Variants in KCNN3 observed in about 807,000 individuals in gnomAD.
KCNN3 encodes the protein potassium calcium-activated channel subfamily N member 3, also known as small conductance calcium-activated potassium channel protein 3.
In KCNN3, 16 loss-of-function variants were observed where a neutral mutation model predicts 62.9. The observed-to-expected ratio is 0.25, with a 90% CI of 0.17 to 0.39. The LOEUF is 0.39. Ranked by LOEUF, KCNN3 falls within the 10% of genes least tolerant of loss-of-function variation. The probability of loss-of-function intolerance (pLI) is 1.00; values close to 1 mark genes in which losing one functional copy is unlikely to be tolerated. For synonymous variants in KCNN3, 370 were observed against 389.2 expected (o/e 0.95, Z 0.58); for missense variants, 599 against 949.4 (o/e 0.63, Z 4.85).
Position 154,822,189 on chromosome 1 carries a change from AG to A in KCNN3, c.934-6del. 1.3e-6 allele frequency: 2 copies of A among 1,599,192 alleles called. No individual in the cohort carries two copies. The highest frequency in any genetic ancestry group is 1.7e-6 in the Non-Finnish European group (2 of 1,166,310). On this transcript the variant is annotated splice_region_variant and splice_polypyrimidine_tract_variant and intron_variant, in intron 1 of 7. Coordinates refer to ENST00000271915, the MANE Select transcript of KCNN3 (RefSeq NM_002249.6). ...GGCCAACGAAAACATGGAGTCCTGC[AG>A]GAACAATGGAGAGAGAGAATTAGGG...
At chr1:154,741,922 C>G (rs1345311045) in intron 3 of KCNN3, among the ~76,000 whole-genome samples, 1 of 152,242 alleles carries the variant, frequency 6.6e-6, no homozygotes, top group Non-Finnish European at 1.5e-5. Flanking sequence ...GAGCTGTGAA[C>G]CCTGTGCTTG....
chr1:154,851,682 G>A (rs755600677), intron 1 of KCNN3, among the ~76,000 whole-genome samples: 19 of 152,256 alleles, frequency 1.2e-4, no homozygotes, highest in Non-Finnish European at 2.5e-4. Flanking sequence ...CAAGGGTCCA[G>A]CCACTTTTTA....
chr1:154,807,660 A>G (rs1166351582), intron 2 of KCNN3, among the ~76,000 whole-genome samples: 1 of 152,206 alleles, frequency 6.6e-6, no homozygotes, highest in African/African-American at 2.4e-5. Flanking sequence ...TTTGTGAACA[A>G]TAAGGGAAGA....
chr1:154,759,104 G>C (rs752023306), intron 3 of KCNN3, among the ~76,000 whole-genome samples: 1 of 152,046 alleles, frequency 6.6e-6, no homozygotes, highest in African/African-American at 2.4e-5. Context: ...CACCATGCCC[G>C]GCCAAAAAAA....
At position 154,809,555 on chromosome 1, in the gene KCNN3, G is replaced by C. The variant is rs569892634; in HGVS notation, c.1029+12534C>G. Among the ~76,000 whole-genome samples the C allele has an allele frequency of 6.6e-6, 1 of 152,312 alleles. No homozygotes were observed. The highest frequency in any genetic ancestry group is 1.5e-5 in the Non-Finnish European group (1 of 68,028). On this transcript the variant is annotated intron_variant, in intron 2 of 7. Transcript: ENST00000271915. This position sits in a 1 kb window ranked among gnomAD's most constrained non-coding sequence, Gnocchi z 4.3. ...ACCTCCCAGATTTGACTTCTGGTTCGACATTTGTATCAATGGTTTAGATGA... is the reference window on the plus strand; with the variant it reads ...ACCTCCCAGATTTGACTTCTGGTTCCACATTTGTATCAATGGTTTAGATGA...
In KCNN3 at chr1:154,713,648, C is replaced by T. The variant is rs937049712; in HGVS notation, c.1830-115G>A. 8.3e-5 allele frequency: 68 copies of T among 821,470 alleles called. No individual in the cohort carries two copies. The Admixed American group carries it at 1.2e-3, about 14-fold the overall frequency. The allele number at this position is 821,470 out of a possible 1,614,324, so 50.9% of individuals were successfully genotyped here. ...TGATTTTGGAACCCAGCATGGGGAC[C>T]GTGAACCTGGGGAACAACTGAGGCT... is the stretch of plus-strand genomic sequence containing the variant. On this transcript the variant is annotated intron_variant, in intron 6 of 7. Transcript: ENST00000271915.
At chr1:154,831,544 G>A (rs1395515187) in intron 1 of KCNN3, among the ~76,000 whole-genome samples, 1 of 152,212 alleles carries the variant, frequency 6.6e-6, no homozygotes, top group Non-Finnish European at 1.5e-5. Context: ...AAAGAAGCCA[G>A]GAGGCTGGGG....
chr1:154,744,569 G>A (rs958860651), intron 3 of KCNN3, among the ~76,000 whole-genome samples: 5 of 152,298 alleles, frequency 3.3e-5, no homozygotes, highest in Admixed American at 2.6e-4. Flanking sequence ...ACTGGCATTC[G>A]AAGCTATTAG....
Position 154,869,068 on chromosome 1 carries a change from C to G in KCNN3, c.897G>C (p.Val299=). The change falls in exon 1 of 8, where the codon GTG becomes GTC. Residue 299 remains valine (V), a synonymous_variant. Coordinates refer to ENST00000271915, the MANE Select transcript of KCNN3 (RefSeq NM_002249.6). The surrounding 1 kb of genome is among the most constrained non-coding windows in gnomAD (Gnocchi z 6.1). ...IFGMFGIVVM[V]IETELSWGLY... is the part of the protein sequence containing the mutation. ...AACCCCAAGAGAGCTCGGTCTCTATCACCATAACAACAATTCCAAACATCC... is the reference window on the plus strand; with the variant it reads ...AACCCCAAGAGAGCTCGGTCTCTATGACCATAACAACAATTCCAAACATCC... 6.2e-7 allele frequency: 1 copy of G among 1,614,192 alleles called. No individual in the cohort carries two copies. Among genetic ancestry groups the G allele is most frequent in the East Asian group, 2.2e-5 (1 of 44,888 alleles).
rs189971968 is a variant in KCNN3, at chr1:154,783,581, A to C, written c.1030-11188T>G. On this transcript the variant is annotated intron_variant, in intron 2 of 7. Transcript: ENST00000271915. Reference sequence around the variant, plus strand: ...ACCCCAGCATGTTTGCTAATGAAGAAGATTCCTCTGGACAGGCTTGGGGTG... The same window carrying C: ...ACCCCAGCATGTTTGCTAATGAAGACGATTCCTCTGGACAGGCTTGGGGTG... 2.7e-3 allele frequency among the ~76,000 whole-genome samples: 406 copies of C among 152,362 alleles called. 2 individuals are homozygous for C. The highest frequency in any genetic ancestry group is 0.025 in the South Asian group (119 of 4,826).
At chr1:154,750,290 G>C (rs1158853844) in intron 3 of KCNN3, among the ~76,000 whole-genome samples, 2 of 152,248 alleles carry the variant, frequency 1.3e-5, no homozygotes, top group African/African-American at 4.8e-5. Flanking sequence ...TCCAGGCCTG[G>C]TGCTCAGGCC....
intron 2 of KCNN3, among the ~76,000 whole-genome samples, chr1:154,805,448 C>A (rs1650132020): frequency 6.6e-6 from 1 of 152,164 alleles, no homozygotes; most frequent in Admixed American, 6.5e-5. Flanking sequence ...GCTCCCAGGG[C>A]AATTACAAAC....
chr1:154,728,967 C>A (rs1029791337), intron 4 of KCNN3, among the ~76,000 whole-genome samples: 1 of 152,158 alleles, frequency 6.6e-6, no homozygotes, highest in Non-Finnish European at 1.5e-5. Context: ...ATTGCCTGTC[C>A]CCTGGGTCCC....
intron 1 of KCNN3, among the ~76,000 whole-genome samples, chr1:154,857,527 G>T (rs1652587775): frequency 6.6e-6 from 1 of 151,134 alleles, no homozygotes; most frequent in Non-Finnish European, 1.5e-5. Flanking sequence ...AAGGGGTGGG[G>T]TGGGCGGGAG....
chr1:154,820,796 T>C (rs1650859690), intron 2 of KCNN3, among the ~76,000 whole-genome samples: 1 of 152,168 alleles, frequency 6.6e-6, no homozygotes, highest in Admixed American at 6.5e-5. Flanking sequence ...AGTCCCAGCA[T>C]CCAGGTCAGT....
chr1:154,730,289 A>G (rs1700564844), intron 4 of KCNN3, among the ~76,000 whole-genome samples: 1 of 152,248 alleles, frequency 6.6e-6, no homozygotes, highest in African/African-American at 2.4e-5. Context: ...TTAATGGTTG[A>G]TAATTACATT....
rs568239433 is a variant in KCNN3, at chr1:154,832,819, G to T, written c.934-10635C>A. On this transcript the variant is annotated intron_variant, in intron 1 of 7. Coordinates refer to ENST00000271915, the MANE Select transcript of KCNN3 (RefSeq NM_002249.6). ...CCTAGCTGGGCTTGTCCCAGGCCTGGGCTTCCCTTTCCCCATCCTGCCCCA... is the reference window on the plus strand; with the variant it reads ...CCTAGCTGGGCTTGTCCCAGGCCTGTGCTTCCCTTTCCCCATCCTGCCCCA... 2.2e-4 allele frequency among the ~76,000 whole-genome samples: 33 copies of T among 152,274 alleles called. No homozygotes were observed. In the South Asian group the frequency reaches 6.4e-3, roughly 30 times the overall value.
intron 1 of KCNN3, among the ~76,000 whole-genome samples, chr1:154,826,915 G>T (rs1172219902): frequency 6.6e-6 from 1 of 152,204 alleles, no homozygotes; most frequent in African/African-American, 2.4e-5. Flanking sequence ...ATAATGATGC[G>T]CAGGCTCCTT....
rs759815742 is a variant in KCNN3, at chr1:154,867,816, T to TAC, written c.933+1214_933+1215dup. ...TGCATACGTACAAACATTACGCACA[T>TAC]ACACACACACACACCAACAAATTGG... On this transcript the variant is annotated intron_variant, in intron 1 of 7. Transcript: ENST00000271915. 293 of 258,838 alleles carry TAC rather than the reference T, an allele frequency of 1.1e-3. 2 individuals carry two copies. The highest frequency in any genetic ancestry group is 9.9e-4 in the Non-Finnish European group (169 of 171,572). The allele number at this position is 258,838 out of a possible 1,614,324, so 16.0% of individuals were successfully genotyped here. A position where few individuals can be genotyped will look rare whatever the true frequency, so the allele number is the denominator to read the frequency against.
Sources: allele counts gnomAD v4.1 joint callset (sites outside exome capture counted in the v4.1 genomes callset), GRCh38; gene constraint gnomAD v4.1.1; non-coding constraint Gnocchi (gnomAD v3.1); transcripts MANE v1.5; gene names NCBI Gene and HGNC (gene_info 2026-07-23, HGNC 2026-07-21).